MRPL3: variants seen among roughly 807,000 people sequenced by gnomAD.
MRPL3 encodes large ribosomal subunit protein uL3m.
In MRPL3, 43 loss-of-function variants were observed where a neutral mutation model predicts 44.3. The observed-to-expected ratio is 0.97, with a 90% CI of 0.76 to 1.25. The LOEUF is 1.25. Ranked by LOEUF, MRPL3 falls within the 50% of genes most tolerant of loss-of-function variation. MRPL3 has a pLI of 0.00. For missense variants in MRPL3, 406 were observed against 427.6 expected (o/e 0.95, Z 0.45); for synonymous variants, 171 against 152.3 (o/e 1.12, Z -0.91).
Position 131,471,189 on chromosome 3 carries a change from A to G in MRPL3, c.720T>C (p.Pro240=), listed in dbSNP as rs773567049. 6.2e-7 allele frequency: 1 copy of G among 1,612,112 alleles called. No homozygotes were observed. The highest frequency in any genetic ancestry group is 8.5e-7 in the Non-Finnish European group (1 of 1,178,558). The change falls in exon 7 of 10, where the codon CCT becomes CCC. Residue 240 remains proline (P), a synonymous_variant. Transcript: ENST00000264995. Reference sequence around the variant, plus strand: ...TACTCACACCAGTTGCAACAGCTCCAGGTCTCCTGTGGGTTTTCGTTTGAC... The same window carrying G: ...TACTCACACCAGTTGCAACAGCTCCGGGTCTCCTGTGGGTTTTCGTTTGAC... ...THGQTKTHRR[P]GAVATGDIGR... is the part of the protein sequence containing the mutation.
chr3:131,480,030 AAG>A (rs1933945680), intron 6 of MRPL3, among the ~76,000 whole-genome samples: 1 of 152,210 alleles, frequency 6.6e-6, no homozygotes, highest in Non-Finnish European at 1.5e-5. Flanking sequence ...ATAAACAAAA[AAG>A]AATTAATTTT....
chr3:131,484,549 A>C (rs1157687600), intron 6 of MRPL3, among the ~76,000 whole-genome samples: 1 of 152,166 alleles, frequency 6.6e-6, no homozygotes, highest in Non-Finnish European at 1.5e-5. Context: ...TCCAAAATGC[A>C]TTAAGGAAAG....
chr3:131,474,745 A>C (rs1177049081), intron 6 of MRPL3, among the ~76,000 whole-genome samples: 1 of 151,118 alleles, frequency 6.6e-6, no homozygotes, highest in Non-Finnish European at 1.5e-5. Flanking sequence ...AAAAATTCTC[A>C]GACTGTACTA....
At chr3:131,486,264 G>C (rs1205837434) in intron 6 of MRPL3, among the ~76,000 whole-genome samples, 4 of 149,072 alleles carry the variant, frequency 2.7e-5, no homozygotes, top group African/African-American at 1.0e-4. Flanking sequence ...TCAGGACATA[G>C]GCATGGGCAA....
chr3:131,502,691 A>G lies in MRPL3; in HGVS notation c.92+39T>C, dbSNP rs565239199. On this transcript the variant is annotated intron_variant, in intron 1 of 9. Coordinates refer to ENST00000264995, the MANE Select transcript of MRPL3 (RefSeq NM_007208.4). The stretch of plus-strand genomic sequence containing the variant: ...CACCAGGCCATTCCACTGCTTCAGG[A>G]CGCAACTGTGCAGGTAGGACACCCT... The G allele has an allele frequency of 5.8e-6, 9 of 1,548,002 alleles. No homozygotes were observed. The South Asian group carries it at 1.1e-4, about 18-fold the overall frequency.
Position 131,469,730 on chromosome 3 carries a change from AT to A in MRPL3, c.781del (p.Met261TrpfsTer11). The A allele has an allele frequency of 1.2e-6, 2 of 1,612,188 alleles. No homozygotes were observed. The highest frequency in any genetic ancestry group is 2.2e-5 in the East Asian group (1 of 44,780). On this transcript the variant is annotated frameshift_variant, in exon 8 of 10. Transcript: ENST00000264995. LOFTEE classifies it high-confidence loss of function. Reference sequence around the variant, plus strand: ...ATATTCTGTCCTGTATATGTTTCCCATTTTTCCAGGCATTTTAGTTCCAGGC... The same window carrying A: ...ATATTCTGTCCTGTATATGTTTCCCATTTTCCAGGCATTTTAGTTCCAGGC... ...VWPGTKMPGK[M>X]GNIYRTEYGL...
chr3:131,470,632 A>ACC (rs35025933), intron 7 of MRPL3, among the ~76,000 whole-genome samples: 17 of 150,972 alleles, frequency 1.1e-4, no homozygotes, highest in African/African-American at 4.2e-4. Flanking sequence ...ACACACACAC[A>ACC]CCCCTCTGTT....
chr3:131,482,211 C>T (rs1934003282), intron 6 of MRPL3, among the ~76,000 whole-genome samples: 1 of 152,054 alleles, frequency 6.6e-6, no homozygotes, highest in South Asian at 2.1e-4. Context: ...CTCCTCCACC[C>T]CCCTCCCCTT....
At chr3:131,466,510 ACT>A (rs1440895091) in intron 9 of MRPL3, among the ~76,000 whole-genome samples, 1 of 152,100 alleles carries the variant, frequency 6.6e-6, no homozygotes, top group Admixed American at 6.6e-5. Flanking sequence ...CAAATTTTTT[ACT>A]TTTTTCTTTT....
At chr3:131,487,988 C>G (rs977916378) in intron 5 of MRPL3, among the ~76,000 whole-genome samples, 1 of 152,124 alleles carries the variant, frequency 6.6e-6, no homozygotes, top group African/African-American at 2.4e-5. Flanking sequence ...TTCTTGCTGT[C>G]AAACATATAA....
chr3:131,481,712 C>T (rs1454115028), intron 6 of MRPL3, among the ~76,000 whole-genome samples: 1 of 152,198 alleles, frequency 6.6e-6, no homozygotes, highest in Non-Finnish European at 1.5e-5. Context: ...GCTCTCCAAT[C>T]ATTCATTTTG....
intron 2 of MRPL3, among the ~76,000 whole-genome samples, chr3:131,500,763 TAAAG>T (rs1301588860): frequency 6.6e-6 from 1 of 152,172 alleles, no homozygotes; most frequent in African/African-American, 2.4e-5. Context: ...ATATATGAAA[TAAAG>T]AAAACAGATA....
At position 131,469,234 on chromosome 3, in the gene MRPL3, G is replaced by GCA. The variant is rs145773394; in HGVS notation, c.816+460_816+461dup. On this transcript the variant is annotated intron_variant, in intron 8 of 9. Transcript: ENST00000264995. The stretch of plus-strand genomic sequence containing the variant: ...CCTCCTTACACTTACACACACACAC[G>GCA]CACACACACACACACACATTTGATA... Among the ~76,000 whole-genome samples the GCA allele has an allele frequency of 2.2e-3, 293 of 135,964 alleles. 1 individual carries two copies. The highest frequency in any genetic ancestry group is 2.5e-3 in the African/African-American group (97 of 38,462). 89.2% of individuals were successfully genotyped at this position (135,964 alleles called of 152,430 possible). A position where few individuals can be genotyped will look rare whatever the true frequency, so the allele number is the denominator to read the frequency against.
chr3:131,497,196 C>A (rs1332542033), intron 4 of MRPL3, among the ~76,000 whole-genome samples: 1 of 152,228 alleles, frequency 6.6e-6, no homozygotes, highest in East Asian at 1.9e-4. Context: ...TATCAAGACA[C>A]AGTTAAGTAA....
intron 4 of MRPL3, among the ~76,000 whole-genome samples, chr3:131,490,702 AGCAC>A (rs1934237586): frequency 6.6e-6 from 1 of 152,226 alleles, no homozygotes; most frequent in Admixed American, 6.5e-5. Context: ...TGTCTATACC[AGCAC>A]TAATATATTA....
rs754447606 is a variant in MRPL3 at position 131,468,077 on chromosome 3, A to ACACTTAT, written c.894+7_894+13dup. 20 of 1,375,276 alleles carry ACACTTAT rather than the reference A, an allele frequency of 1.5e-5. No homozygotes were observed. The East Asian group carries it at 4.7e-4, about 33-fold the overall frequency. 85.2% of individuals were successfully genotyped at this position (1,375,276 alleles called of 1,614,324 possible). On this transcript the variant is annotated intron_variant, in intron 9 of 9. Transcript: ENST00000264995. ...AAAAAAAAAAGGAAAAAAAAAGAAG[A>ACACTTAT]CACTTATACTTACCTTTACTAAGCA...
intron 6 of MRPL3, chr3:131,479,183 TC>T (rs1559820010): frequency 1.9e-6 from 1 of 518,918 alleles, no homozygotes; most frequent in Non-Finnish European, 3.8e-6. Flanking sequence ...GCATACACTG[TC>T]CCCCCTGCCT....
rs1238627771 is a variant in MRPL3 at position 131,469,101 on chromosome 3, TTCAACTTC to T, written c.816+587_816+594del. On this transcript the variant is annotated intron_variant, in intron 8 of 9. Transcript: ENST00000264995. ...ACATTTCTCATTGGTAGAGATTGAA[TTCAACTTC>T]TCTTTTAAATATACACAGACATTTT... is the stretch of plus-strand genomic sequence containing the variant. 1.9e-4 allele frequency among the ~76,000 whole-genome samples: 29 copies of T among 152,234 alleles called. 1 individual carries two copies. Among genetic ancestry groups the T allele is most frequent in the Admixed American group, 3.9e-4 (6 of 15,260 alleles).
intron 6 of MRPL3, among the ~76,000 whole-genome samples, chr3:131,486,076 G>A (rs898749460): frequency 1.3e-5 from 2 of 152,084 alleles, no homozygotes; most frequent in Admixed American, 1.3e-4. Flanking sequence ...AACAAGAAAT[G>A]GGGAAAGGAT....
Sources: allele counts gnomAD v4.1 joint callset (sites outside exome capture counted in the v4.1 genomes callset), GRCh38; gene constraint gnomAD v4.1.1; transcripts MANE v1.5; gene names NCBI Gene and HGNC (gene_info 2026-07-23, HGNC 2026-07-21).